FSHR: variants seen among roughly 807,000 people sequenced by gnomAD.
FSHR encodes the protein follicle stimulating hormone receptor, also known as follicle-stimulating hormone receptor.
Under a neutral mutation model 52.1 loss-of-function variants are expected in FSHR, and 46 were observed. That is an observed-to-expected ratio of 0.88 (90% CI 0.70 to 1.13). The LOEUF (loss-of-function observed/expected upper bound fraction) is 1.13, where lower values mean the gene tolerates loss of function less well. FSHR is among the 50% of genes most tolerant of loss of function. FSHR has a pLI of 0.00. For synonymous variants in FSHR, 399 were observed against 309.6 expected (o/e 1.29, Z -3.03); for missense variants, 964 against 834.6 (o/e 1.16, Z -1.91).
At chr2:49,048,048 T>C (rs1403313808) in intron 2 of FSHR, among the ~76,000 whole-genome samples, 4 of 152,032 alleles carry the variant, frequency 2.6e-5, no homozygotes, top group Admixed American at 1.3e-4. Flanking sequence ...CCAGCTATTT[T>C]ATTTTTTCTG....
rs111664666 is a variant in FSHR at position 49,127,952 on chromosome 2, G to C, written c.152+26314C>G. Among the ~76,000 whole-genome samples, 162 of 144,252 alleles carry C rather than the reference G, an allele frequency of 1.1e-3. 2 individuals carry two copies. Among genetic ancestry groups the C allele is most frequent in the African/African-American group, 3.8e-3 (148 of 38,844 alleles). The allele number at this position is 144,252 out of a possible 152,430, so 94.6% of individuals were successfully genotyped here. ...CTGTTCCCTAGGCTGGAGTGCAGTG[G>C]CGCAATCTCCACTCACCGCAACCTC... On this transcript the variant is annotated intron_variant, in intron 1 of 9. Coordinates refer to ENST00000406846, the MANE Select transcript of FSHR (RefSeq NM_000145.4).
intron 4 of FSHR, among the ~76,000 whole-genome samples, chr2:49,004,482 A>G (rs1232469154): frequency 6.6e-6 from 1 of 152,188 alleles, no homozygotes; most frequent in African/African-American, 2.4e-5. Flanking sequence ...GGGCCTGAAT[A>G]TGATGAACTC....
At chr2:49,038,560 G>A (rs1411980272) in intron 2 of FSHR, among the ~76,000 whole-genome samples, 2 of 150,572 alleles carry the variant, frequency 1.3e-5, no homozygotes, top group South Asian at 4.2e-4. Flanking sequence ...GGGAGGCGGA[G>A]CTTGCAGTGA....
At chr2:49,057,457 C>T (rs904308173) in intron 2 of FSHR, among the ~76,000 whole-genome samples, 12 of 151,972 alleles carry the variant, frequency 7.9e-5, no homozygotes, top group African/African-American at 2.9e-4. Context: ...TAGACAAATA[C>T]AACCCACCAA....
chr2:49,068,381 A>G lies in FSHR; in HGVS notation c.153-91T>C. 4 of 1,055,778 alleles carry G rather than the reference A, an allele frequency of 3.8e-6. No homozygotes were observed. In the East Asian group the frequency reaches 9.6e-5, roughly 25 times the overall value. 65.4% of individuals were successfully genotyped at this position (1,055,778 alleles called of 1,614,324 possible). A position where few individuals can be genotyped will look rare whatever the true frequency, so the allele number is the denominator to read the frequency against. On this transcript the variant is annotated intron_variant, in intron 1 of 9. Coordinates refer to ENST00000406846, the MANE Select transcript of FSHR (RefSeq NM_000145.4). ...ATTCATATCAGCAAACAGTTACCAT[A>G]TACTAAGTGCTTGCCATAAAGTAAT...
At chr2:49,003,001 T>G (rs1340332931) in intron 4 of FSHR, among the ~76,000 whole-genome samples, 1 of 152,140 alleles carries the variant, frequency 6.6e-6, no homozygotes, top group Non-Finnish European at 1.5e-5. Flanking sequence ...ATGCCAGGCT[T>G]TCTCTTCTTA....
At chr2:49,050,266 A>C (rs559959327) in intron 2 of FSHR, among the ~76,000 whole-genome samples, 5 of 152,236 alleles carry the variant, frequency 3.3e-5, no homozygotes, top group African/African-American at 4.8e-5. Context: ...TCAGTTTGCA[A>C]ACCCTTGTAC....
At chr2:49,124,902 C>T (rs1671945978) in intron 1 of FSHR, among the ~76,000 whole-genome samples, 2 of 152,210 alleles carry the variant, frequency 1.3e-5, no homozygotes, top group Admixed American at 6.5e-5. Flanking sequence ...CCCCTCATTA[C>T]ATGCAACCTT....
At chr2:49,014,587 C>T (rs74496980) in intron 4 of FSHR, 7,540 of 232,834 alleles carry the variant, frequency 0.032, 591 homozygotes, top group African/African-American at 0.16. Context: ...CAAGGGGGTC[C>T]TCATTCATAA....
chr2:49,085,964 T>TGGGG (rs779337337), intron 1 of FSHR, among the ~76,000 whole-genome samples: 1 of 81,664 alleles, frequency 1.2e-5, no homozygotes, highest in African/African-American at 4.6e-5. Flanking sequence ...GGGCCTGTTG[T>TGGGG]GGGGGGGGGG....
At chr2:49,094,042 C>T (rs1476150079) in intron 1 of FSHR, among the ~76,000 whole-genome samples, 1 of 152,042 alleles carries the variant, frequency 6.6e-6, no homozygotes, top group Admixed American at 6.5e-5. Flanking sequence ...TAATTTGTTT[C>T]CTGTTTGTTT....
At chr2:48,979,481 A>G (rs1675145895) in intron 8 of FSHR, among the ~76,000 whole-genome samples, 2 of 152,086 alleles carry the variant, frequency 1.3e-5, no homozygotes, top group Non-Finnish European at 2.9e-5. Flanking sequence ...ATGCTGCTCT[A>G]GGACAACTGA....
intron 4 of FSHR, among the ~76,000 whole-genome samples, chr2:49,002,825 C>A (rs563092594): frequency 2.0e-5 from 3 of 152,222 alleles, no homozygotes; most frequent in South Asian, 2.1e-4. Context: ...GGGCTGGAAC[C>A]TGGGTCTTTG....
intron 4 of FSHR, among the ~76,000 whole-genome samples, chr2:49,007,030 ATTGT>A (rs1342150272): frequency 1.3e-5 from 2 of 152,088 alleles, no homozygotes; most frequent in Non-Finnish European, 2.9e-5. Context: ...TCAGTAATTG[ATTGT>A]TGAATGATTG....
chr2:48,982,033 A>C (rs1257700466), intron 8 of FSHR, among the ~76,000 whole-genome samples: 1 of 152,078 alleles, frequency 6.6e-6, no homozygotes, highest in Non-Finnish European at 1.5e-5. Flanking sequence ...CTTCATCTTG[A>C]AGTACTTTTT....
chr2:49,153,502 C>T (rs1333631567), intron 1 of FSHR, among the ~76,000 whole-genome samples: 2 of 152,158 alleles, frequency 1.3e-5, no homozygotes, highest in Non-Finnish European at 2.9e-5. Context: ...CATCTCAACT[C>T]ATCACGAGAG....
At chr2:48,969,063 G>A (rs1674615206) in intron 8 of FSHR, among the ~76,000 whole-genome samples, 180 bp from the exon 9 acceptor site, 1 of 152,166 alleles carries the variant, frequency 6.6e-6, no homozygotes, top group African/African-American at 2.4e-5. Flanking sequence ...ATTTGGTTCT[G>A]TAGGAGTCCT....
chr2:48,968,598 C>T, intron 9 of FSHR, 100 bp downstream of exon 9: 1 of 1,400,486 alleles, frequency 7.1e-7, no homozygotes, highest in Admixed American at 1.8e-5. Flanking sequence ...ACAGGGAACT[C>T]TCTGCAAGTA....
At chr2:48,995,646 A>G (rs1490934363) in intron 4 of FSHR, among the ~76,000 whole-genome samples, 1 of 152,048 alleles carries the variant, frequency 6.6e-6, no homozygotes, top group Non-Finnish European at 1.5e-5. Flanking sequence ...AGGGGAAGCA[A>G]GAAGACTTGA....
Sources: gnomAD v4.1 joint callset for allele counts (sites outside exome capture counted in the v4.1 genomes callset) on GRCh38, gnomAD v4.1.1 for gene constraint, MANE v1.5 for transcripts, NCBI Gene and HGNC (gene_info 2026-07-23, HGNC 2026-07-21) for gene names.